The following STARD13 variants were observed in gnomAD, a reference collection of about 807,000 sequenced individuals.
STARD13 encodes the protein stAR-related lipid transfer protein 13.
Under a neutral mutation model 106.4 loss-of-function variants are expected in STARD13, and 62 were observed. The observed-to-expected ratio is 0.58, with a 90% CI of 0.48 to 0.72. The LOEUF is 0.72. STARD13 is among the 30% of genes least tolerant of loss of function. STARD13 has a pLI of 0.00. For missense variants in STARD13, 1,387 were observed against 1,424.0 expected, an observed-to-expected ratio of 0.97 and a Z score of 0.42; for synonymous variants, 565 against 553.0, an observed-to-expected ratio of 1.02 and a Z score of -0.31.
At chr13:33,142,774 C>G (rs188523064) in intron 3 of STARD13, among the ~76,000 whole-genome samples, 4 of 152,360 alleles carry the variant, frequency 2.6e-5, no homozygotes, top group East Asian at 1.9e-4. Flanking sequence ...TGTATCTTCT[C>G]TCCTGATCTC....
At chr13:33,404,838 A>G in the STARD13 span, among the ~76,000 whole-genome samples, 1 of 145,432 alleles carries the variant, frequency 6.9e-6, no homozygotes. Flanking sequence ...GTGCAGTGGC[A>G]TGGTCTCCGC....
intron 12 of STARD13, among the ~76,000 whole-genome samples, chr13:33,109,353 C>T (rs777123803): frequency 8.5e-5 from 13 of 152,132 alleles, no homozygotes; most frequent in Non-Finnish European, 1.3e-4. Flanking sequence ...CCTTGGCAGA[C>T]ACAGAATCAA....
chr13:33,304,048 A>G (rs548130803), intron 1 of STARD13, among the ~76,000 whole-genome samples: 1 of 152,360 alleles, frequency 6.6e-6, no homozygotes, highest in Non-Finnish European at 1.5e-5. Flanking sequence ...ACAATGAAAG[A>G]CAATTTTCTA....
chr13:33,310,022 G>A (rs1035347942), intron 1 of STARD13, among the ~76,000 whole-genome samples: 13 of 152,190 alleles, frequency 8.5e-5, no homozygotes, highest in African/African-American at 3.1e-4. Flanking sequence ...AGAGAAGAAA[G>A]TGGATGTATA....
At chr13:33,659,008 A>G in the STARD13 span, among the ~76,000 whole-genome samples, 560 of 152,234 alleles carry the variant, frequency 3.7e-3, 2 homozygotes, top group South Asian at 0.015. Flanking sequence ...CAAGCCCAGG[A>G]AGCACATGGA....
At chr13:33,132,399 C>A (rs1180067821) in intron 4 of STARD13, among the ~76,000 whole-genome samples, 1 of 152,124 alleles carries the variant, frequency 6.6e-6, no homozygotes, top group East Asian at 1.9e-4. Context: ...TAAGGGGAAA[C>A]CCCTTTTGCT....
At chr13:33,669,803 G>A in the STARD13 span, among the ~76,000 whole-genome samples, 2 of 151,816 alleles carry the variant, frequency 1.3e-5, no homozygotes, top group African/African-American at 4.8e-5. Context: ...CAAAGTGCTG[G>A]GATTACAGGC....
chr13:33,357,256 GGGA>G, the STARD13 span, among the ~76,000 whole-genome samples: 1 of 152,170 alleles, frequency 6.6e-6, no homozygotes, highest in Non-Finnish European at 1.5e-5. Flanking sequence ...GAAAGGGGCT[GGGA>G]CCCTTGTCAC....
chr13:33,392,020 A>C, the STARD13 span, among the ~76,000 whole-genome samples: 1 of 152,096 alleles, frequency 6.6e-6, no homozygotes, highest in African/African-American at 2.4e-5. Flanking sequence ...TGTGGCGTAA[A>C]TTCTTCCCTC....
chr13:33,509,883 C>T, the STARD13 span, among the ~76,000 whole-genome samples: 1 of 152,182 alleles, frequency 6.6e-6, no homozygotes, highest in African/African-American at 2.4e-5. Context: ...CAGGAACTTC[C>T]TGGTGTCCAT....
the STARD13 span, among the ~76,000 whole-genome samples, chr13:33,401,442 G>A: frequency 7.9e-5 from 12 of 152,222 alleles, no homozygotes; most frequent in African/African-American, 1.7e-4. Context: ...CCCAACAGCC[G>A]CTTGTAGACA....
At chr13:33,156,462 T>A (rs1226750260) in intron 3 of STARD13, among the ~76,000 whole-genome samples, 1 of 152,294 alleles carries the variant, frequency 6.6e-6, no homozygotes, top group Middle Eastern at 3.4e-3. Context: ...GTGGGGTTCA[T>A]AGAGTGGGGT....
chr13:33,215,109 A>G (rs1297282552), intron 1 of STARD13, among the ~76,000 whole-genome samples: 2 of 74,836 alleles, frequency 2.7e-5, no homozygotes, highest in Admixed American at 2.0e-4. Flanking sequence ...TCAGGAATAG[A>G]ATGAGTACTT....
At chr13:33,423,496 G>A in the STARD13 span, among the ~76,000 whole-genome samples, 1 of 152,218 alleles carries the variant, frequency 6.6e-6, no homozygotes, top group East Asian at 1.9e-4. Flanking sequence ...ACTGTTGGTG[G>A]GAGTGTAAAT....
At chr13:33,364,509 T>A in the STARD13 span, among the ~76,000 whole-genome samples, 22 of 152,218 alleles carry the variant, frequency 1.4e-4, no homozygotes, top group Admixed American at 1.3e-3. Context: ...AAAACAATAT[T>A]TTTTTAAATG....
chr13:33,185,716 T>C (rs1025085272), intron 1 of STARD13, among the ~76,000 whole-genome samples: 2 of 152,222 alleles, frequency 1.3e-5, no homozygotes, highest in African/African-American at 2.4e-5. Flanking sequence ...GACTAGTCAA[T>C]TCTTTTCCTC....
the STARD13 span, among the ~76,000 whole-genome samples, chr13:33,424,197 C>T: frequency 4.6e-5 from 7 of 152,258 alleles, no homozygotes; most frequent in Admixed American, 4.6e-4. Flanking sequence ...AGCCAGACTA[C>T]TTAAGTTGAA....
the STARD13 span, among the ~76,000 whole-genome samples, chr13:33,495,048 A>AGT: frequency 6.6e-6 from 1 of 151,738 alleles, no homozygotes; most frequent in African/African-American, 2.4e-5. Context: ...TTTCCTGCCT[A>AGT]CACTTCCGCT....
chr13:33,650,869 T>A, the STARD13 span, among the ~76,000 whole-genome samples: 1 of 152,258 alleles, frequency 6.6e-6, no homozygotes, highest in African/African-American at 2.4e-5. Flanking sequence ...GGACACAGTG[T>A]CAATCCCCTC....
Sources: gnomAD v4.1 joint callset for allele counts (sites outside exome capture counted in the v4.1 genomes callset) on GRCh38, gnomAD v4.1.1 for gene constraint, MANE v1.5 for transcripts, NCBI Gene and HGNC (gene_info 2026-07-23, HGNC 2026-07-21) for gene names.